The following RYR2 variants were observed in gnomAD, a reference collection of about 807,000 sequenced individuals.
RYR2 encodes cardiac muscle ryanodine receptor-calcium release channel.
A neutral mutation model predicts 601.1 loss-of-function variants in RYR2; 227 were observed. The observed-to-expected ratio is 0.38, with a 90% confidence interval of 0.34 to 0.42. RYR2 has a LOEUF of 0.42. RYR2 is among the 10% of genes least tolerant of loss of function. The probability of loss-of-function intolerance (pLI) is 1.00; values close to 1 mark genes in which losing one functional copy is unlikely to be tolerated. For synonymous variants in RYR2, 2,223 were observed against 2,175.1 expected, an observed-to-expected ratio of 1.02 and a Z score of -0.61; for missense variants, 4,646 against 6,156.5, an observed-to-expected ratio of 0.75 and a Z score of 8.21.
At chr1:237,818,987 A>C (rs1662139502) in intron 100 of RYR2, 49 bp from the exon 101 acceptor site, 1 of 1,550,694 alleles carries the variant, frequency 6.4e-7, no homozygotes. Context: ...GTCGAGAAAA[A>C]AAAATGGGTA....
intron 12 of RYR2, among the ~76,000 whole-genome samples, chr1:237,432,038 A>G (rs1706858581): frequency 1.3e-5 from 2 of 152,098 alleles, no homozygotes; most frequent in South Asian, 4.1e-4. Context: ...AGCAAATTAT[A>G]ATGATTTAGT....
intron 3 of RYR2, among the ~76,000 whole-genome samples, chr1:237,336,033 G>A (rs1697213349): frequency 6.6e-6 from 1 of 152,030 alleles, no homozygotes; most frequent in Non-Finnish European, 1.5e-5. Context: ...AGAAATTTAA[G>A]TGTTTTTTTG....
intron 1 of RYR2, among the ~76,000 whole-genome samples, chr1:237,219,125 C>T (rs1683510525): frequency 6.6e-6 from 1 of 151,028 alleles, no homozygotes; most frequent in African/African-American, 2.4e-5. Flanking sequence ...GATTCTCCTG[C>T]CTCAGCCTCT....
intron 1 of RYR2, among the ~76,000 whole-genome samples, chr1:237,152,290 T>C (rs2148818934): frequency 6.6e-6 from 1 of 152,354 alleles, no homozygotes; most frequent in Non-Finnish European, 1.5e-5. Flanking sequence ...GTCTTCGCTA[T>C]TGTGAATAGT....
rs7529291 is a variant in RYR2, at chr1:237,642,864, G to A, written c.7222-463G>A. Among the ~76,000 whole-genome samples, 247 of 152,266 alleles carry A rather than the reference G, an allele frequency of 1.6e-3. 3 individuals are homozygous for A. The highest frequency in any genetic ancestry group is 5.3e-3 in the African/African-American group (222 of 41,562). On this transcript the variant is annotated intron_variant, in intron 47 of 104. Coordinates refer to ENST00000366574, the MANE Select transcript of RYR2 (RefSeq NM_001035.3). ...GGAGAAATCAGGGTCGAAGACAGAT[G>A]GATATGCAATTCATTTCTTAGCACA... is the stretch of plus-strand genomic sequence containing the variant.
In RYR2 at chr1:237,153,408, C is replaced by G. The variant is rs116030868; in HGVS notation, c.48+110839C>G. On this transcript the variant is annotated intron_variant, in intron 1 of 104. Coordinates refer to ENST00000366574, the MANE Select transcript of RYR2 (RefSeq NM_001035.3). The stretch of plus-strand genomic sequence containing the variant: ...GTCTTTAACTGAAACCTAAACTGTT[C>G]TGTGTGTGTGTGTTTTAAATAACGA... 7.5e-3 allele frequency among the ~76,000 whole-genome samples: 1,143 copies of G among 152,072 alleles called. 20 individuals are homozygous for G. The highest frequency in any genetic ancestry group is 0.026 in the African/African-American group (1,063 of 41,488).
At chr1:237,222,991 C>A (rs961019703) in intron 1 of RYR2, among the ~76,000 whole-genome samples, 26 of 152,156 alleles carry the variant, frequency 1.7e-4, no homozygotes, top group Non-Finnish European at 3.7e-4. Flanking sequence ...ATCGCTTGAA[C>A]CCAGGAGGCG....
chr1:237,395,271 A>G (rs1011386308), intron 10 of RYR2, among the ~76,000 whole-genome samples: 26 of 152,208 alleles, frequency 1.7e-4, no homozygotes, highest in African/African-American at 5.3e-4. Context: ...CATGTGAGAA[A>G]GATCAGCCAA....
intron 63 of RYR2, 92 bp downstream of exon 63, chr1:237,687,596 A>ATGCATGTTTGCATGGC: frequency 1.0e-6 from 1 of 964,038 alleles, no homozygotes; most frequent in Non-Finnish European, 1.6e-6. Context: ...TGTTGCATGG[A>ATGCATGTTTGCATGGC]TGCATGTTTG....
At chr1:237,284,228 C>T (rs2149392437) in intron 2 of RYR2, among the ~76,000 whole-genome samples, 1 of 151,948 alleles carries the variant, frequency 6.6e-6, no homozygotes, top group East Asian at 1.9e-4. Flanking sequence ...ACTAAAAATA[C>T]AAATCAGCCG....
intron 24 of RYR2, among the ~76,000 whole-genome samples, chr1:237,527,707 A>G (rs1314827995): frequency 6.6e-6 from 1 of 152,196 alleles, no homozygotes; most frequent in African/African-American, 2.4e-5. Flanking sequence ...AGATGCTTCT[A>G]AAACATGTAA....
intron 56 of RYR2, among the ~76,000 whole-genome samples, chr1:237,661,917 G>A (rs951521303): frequency 1.9e-4 from 29 of 152,128 alleles, no homozygotes; most frequent in African/African-American, 6.3e-4. Flanking sequence ...TTAGTCACGA[G>A]GTCATGTGAG....
At chr1:237,470,385 CAG>C (rs1660580494) in intron 17 of RYR2, among the ~76,000 whole-genome samples, 1 of 152,042 alleles carries the variant, frequency 6.6e-6, no homozygotes, top group Admixed American at 6.6e-5. Context: ...CAACCATGAT[CAG>C]AGAGAGTAAT....
intron 4 of RYR2, among the ~76,000 whole-genome samples, chr1:237,359,014 A>G (rs1699543111): frequency 6.6e-6 from 1 of 152,018 alleles, no homozygotes; most frequent in Non-Finnish European, 1.5e-5. Context: ...TGGCATAACA[A>G]TATGTTTTGG....
intron 23 of RYR2, among the ~76,000 whole-genome samples, chr1:237,511,000 A>T (rs1472619508): frequency 1.3e-5 from 2 of 152,188 alleles, no homozygotes; most frequent in Non-Finnish European, 2.9e-5. Flanking sequence ...GAACCACCTC[A>T]AAGTGTTTAT....
intron 12 of RYR2, among the ~76,000 whole-genome samples, chr1:237,427,170 A>G (rs563709660): frequency 2.0e-5 from 3 of 152,202 alleles, no homozygotes; most frequent in Non-Finnish European, 2.9e-5. Flanking sequence ...ATCCAGCCTA[A>G]TAAAAAGAAG....
chr1:237,584,979 G>A (rs10925465), intron 29 of RYR2, among the ~76,000 whole-genome samples: 1 of 151,428 alleles, frequency 6.6e-6, no homozygotes, highest in African/African-American at 2.4e-5. Context: ...GGGCTCAAGC[G>A]AGCCTCCTGC....
chr1:237,511,779 T>C lies in RYR2; in HGVS notation c.2810T>C (p.Leu937Pro). 1.3e-6 allele frequency: 2 copies of C among 1,500,978 alleles called. No individual in the cohort carries two copies. The highest frequency in any genetic ancestry group is 1.8e-6 in the Non-Finnish European group (2 of 1,108,756). The allele number at this position is 1,500,978 out of a possible 1,614,324, so 93.0% of individuals were successfully genotyped here. Reference sequence around the variant, plus strand: ...CGCAATTACAACTTACAAATGTCGCTTGAGACCCTGAAGTGAGTTTCTTAA... The same window carrying C: ...CGCAATTACAACTTACAAATGTCGCCTGAGACCCTGAAGTGAGTTTCTTAA... ...QERNYNLQMS[L>P]ETLKTLLALG... The change falls in exon 24 of 105, where the codon CTT becomes CCT. Residue 937 changes from leucine to proline, a missense_variant. Transcript: ENST00000366574.
At chr1:237,721,165 A>G (rs1157492813) in intron 73 of RYR2, among the ~76,000 whole-genome samples, 2 of 152,218 alleles carry the variant, frequency 1.3e-5, no homozygotes, top group Non-Finnish European at 2.9e-5. Flanking sequence ...GAGTAATTTT[A>G]TGTTAGAATA....
Sources: gnomAD v4.1 joint callset for allele counts (sites outside exome capture counted in the v4.1 genomes callset) on GRCh38, gnomAD v4.1.1 for gene constraint, MANE v1.5 for transcripts, NCBI Gene and HGNC (gene_info 2026-07-23, HGNC 2026-07-21) for gene names.